The following ANKRD10 variants were observed in gnomAD, a reference collection of about 807,000 sequenced individuals.
ANKRD10 encodes ankyrin repeat domain 10.
A neutral mutation model predicts 27.0 loss-of-function variants in ANKRD10; 14 were observed. That is an observed-to-expected ratio of 0.52 (90% CI 0.34 to 0.81). The LOEUF is 0.81. Among genes scored for constraint, ANKRD10 ranks in the 40% least tolerant of loss-of-function variants. The pLI, the probability that ANKRD10 is intolerant of heterozygous loss-of-function variation, is 0.01. For synonymous variants in ANKRD10, 250 were observed against 224.5 expected (o/e 1.11, Z -1.01); for missense variants, 493 against 544.0 (o/e 0.91, Z 0.93).
chr13:110,912,765 G>A (rs2065755955), intron 1 of ANKRD10, among the ~76,000 whole-genome samples: 1 of 152,236 alleles, frequency 6.6e-6, no homozygotes, highest in African/African-American at 2.4e-5. Flanking sequence ...GAGGGCAGCC[G>A]TTAGCAGGGC....
At chr13:110,898,758 T>TC (rs2065300327) in intron 3 of ANKRD10, among the ~76,000 whole-genome samples, 2 of 144,350 alleles carry the variant, frequency 1.4e-5, no homozygotes, top group South Asian at 2.3e-4. Context: ...TTCTTTTTTT[T>TC]TTTTTTTTTT....
chr13:110,900,410 ATTG>A (rs2065350928), intron 3 of ANKRD10: 1 of 629,896 alleles, frequency 1.6e-6, no homozygotes, highest in African/African-American at 2.0e-5. Flanking sequence ...CAACTTAGCT[ATTG>A]TTAGTTTACA....
At chr13:110,890,204 G>A (rs1181296026) in intron 4 of ANKRD10, among the ~76,000 whole-genome samples, 1 of 151,928 alleles carries the variant, frequency 6.6e-6, no homozygotes. Context: ...CTAAAAAACT[G>A]GTCAGTTAAT....
At chr13:110,904,159 A>G (rs1294034966) in intron 3 of ANKRD10, 1 of 152,270 alleles carries the variant, frequency 6.6e-6, no homozygotes, top group African/African-American at 2.4e-5. Flanking sequence ...CCAAAGGCTT[A>G]TAATTGTTTT....
In ANKRD10 at chr13:110,902,164, G is replaced by A. The variant is rs140098455; in HGVS notation, c.455+3869C>T. On this transcript the variant is annotated intron_variant, in intron 3 of 5. Coordinates refer to ENST00000267339, the MANE Select transcript of ANKRD10 (RefSeq NM_017664.4). ...CAGAGTCATAATTCTGGTAGATTTTGTAACTGAAATATTATTCTGATGGGC... is the reference window on the plus strand; with the variant it reads ...CAGAGTCATAATTCTGGTAGATTTTATAACTGAAATATTATTCTGATGGGC... Among the ~76,000 whole-genome samples, 43 of 151,292 alleles carry A rather than the reference G, an allele frequency of 2.8e-4. No individual in the cohort carries two copies. The East Asian group carries it at 7.6e-3, about 27-fold the overall frequency.
intron 3 of ANKRD10, among the ~76,000 whole-genome samples, chr13:110,898,895 A>G (rs917711588): frequency 6.6e-6 from 1 of 151,128 alleles, no homozygotes; most frequent in African/African-American, 2.4e-5. Context: ...AGCTGGTATT[A>G]CAAGCGCCCA....
intron 4 of ANKRD10, among the ~76,000 whole-genome samples, chr13:110,891,953 T>G (rs1300129176): frequency 6.8e-6 from 1 of 146,512 alleles, no homozygotes; most frequent in Non-Finnish European, 1.5e-5. Flanking sequence ...GCTCAAGTAA[T>G]CCTCCTGCCT....
Position 110,883,763 on chromosome 13 carries a change from G to C in ANKRD10, c.722C>G (p.Thr241Arg). The change falls in exon 5 of 6, where the codon ACG (threonine) becomes AGG (arginine). Residue 241 changes from threonine (T) to arginine (R), a missense_variant. Physicochemically the swap from Thr to Arg is moderately conservative, Grantham distance 71. Coordinates refer to ENST00000267339, the MANE Select transcript of ANKRD10 (RefSeq NM_017664.4). Reference protein sequence around the residue: ...AQSLDSAVPLTNGDTEDDADK... With the variant: ...AQSLDSAVPLRNGDTEDDADK... ...AGCATCGTCTTCTGTGTCGCCATTC[G>C]TGAGTGGCACGGCAGAATCCAAGCT... The C allele has an allele frequency of 1.2e-6, 2 of 1,614,140 alleles. No homozygotes were observed. The highest frequency in any genetic ancestry group is 1.1e-5 in the South Asian group (1 of 91,084).
Position 110,902,615 on chromosome 13 carries a change from C to T in ANKRD10, c.455+3418G>A, listed in dbSNP as rs185443677. Among the ~76,000 whole-genome samples the T allele has an allele frequency of 3.6e-3, 553 of 152,196 alleles. 4 individuals carry two copies. Among genetic ancestry groups the T allele is most frequent in the Admixed American group, 9.6e-3 (146 of 15,282 alleles). On this transcript the variant is annotated intron_variant, in intron 3 of 5. Transcript: ENST00000267339. ...GATGCTTCTCAAGCTATCTGATGAT[C>T]CCAGTTAAGATAAAAATAATTAAGT...
chr13:110,890,955 A>C (rs1348902539), intron 4 of ANKRD10, among the ~76,000 whole-genome samples: 5 of 152,256 alleles, frequency 3.3e-5, no homozygotes, highest in Non-Finnish European at 5.9e-5. Flanking sequence ...AGGAATCCTC[A>C]GAAATGCTTT....
intron 1 of ANKRD10, among the ~76,000 whole-genome samples, chr13:110,911,323 G>T (rs2065699510): frequency 6.6e-6 from 1 of 151,920 alleles, no homozygotes; most frequent in African/African-American, 2.4e-5. Context: ...GTGGTGGCGG[G>T]CACCTGTAAT....
chr13:110,882,383 G>A (rs2064837292), intron 5 of ANKRD10, among the ~76,000 whole-genome samples: 1 of 152,180 alleles, frequency 6.6e-6, no homozygotes, highest in Non-Finnish European at 1.5e-5. Flanking sequence ...AAAGCCTCGA[G>A]TAATCTCTAG....
chr13:110,897,375 C>T (rs1134348), intron 3 of ANKRD10, among the ~76,000 whole-genome samples: 95,449 of 148,620 alleles, frequency 0.64, 31,014 homozygotes, highest in East Asian at 0.85. Context: ...CCTCCCACCT[C>T]AGACTCCTAA....
intron 3 of ANKRD10, among the ~76,000 whole-genome samples, chr13:110,902,049 G>GAAAAAAA (rs10656736): frequency 1.7e-5 from 2 of 115,400 alleles, no homozygotes; most frequent in African/African-American, 3.4e-5. Flanking sequence ...TCTCTTTTTA[G>GAAAAAAA]AAAAAAAAAA....
intron 3 of ANKRD10, among the ~76,000 whole-genome samples, chr13:110,899,332 C>A (rs1036652077): frequency 6.6e-6 from 1 of 152,232 alleles, no homozygotes; most frequent in African/African-American, 2.4e-5. Flanking sequence ...AACAGACGCA[C>A]TTTTGAACTT....
intron 4 of ANKRD10, among the ~76,000 whole-genome samples, chr13:110,887,138 A>C (rs1009239660): frequency 6.6e-6 from 1 of 152,162 alleles, no homozygotes; most frequent in East Asian, 1.9e-4. Context: ...ACCCTGGGGG[A>C]CACACAGAGA....
chr13:110,883,773 C>T lies in ANKRD10; in HGVS notation c.712G>A (p.Val238Met), dbSNP rs374936803. 8.4e-5 allele frequency: 135 copies of T among 1,614,118 alleles called. No homozygotes were observed. The highest frequency in any genetic ancestry group is 3.3e-4 in the Middle Eastern group (2 of 6,062). ...TCTGTGTCGCCATTCGTGAGTGGCA[C>T]GGCAGAATCCAAGCTTTGAGCTGCA... ...RTEAQSLDSA[V>M]PLTNGDTEDD... Residue 238 changes from valine to methionine, a missense_variant, in exon 5 of 6, where the codon GTG becomes ATG. Physicochemically the swap from Val to Met is conservative, Grantham distance 21 (BLOSUM62 1). Transcript: ENST00000267339.
chr13:110,914,711 G>C lies in ANKRD10; in HGVS notation c.210+14C>G. 6.4e-7 allele frequency: 1 copy of C among 1,564,640 alleles called. No homozygotes were observed. The stretch of plus-strand genomic sequence containing the variant: ...CAGCCGGGGAAAATGGCGCCTTAAA[G>C]CGTTCGCACCCACCTTGCCGAAATG... On this transcript the variant is annotated intron_variant, in intron 1 of 5. Coordinates refer to ENST00000267339, the MANE Select transcript of ANKRD10 (RefSeq NM_017664.4).
chr13:110,905,963 A>C (rs1387597581), intron 3 of ANKRD10, 70 bp downstream of exon 3: 1 of 1,395,384 alleles, frequency 7.2e-7, no homozygotes, highest in East Asian at 2.5e-5. Flanking sequence ...TTGCCTGCTT[A>C]TGTACTGCCT....
Sources: gnomAD v4.1 joint callset for allele counts (sites outside exome capture counted in the v4.1 genomes callset) on GRCh38, gnomAD v4.1.1 for gene constraint, MANE v1.5 for transcripts, NCBI Gene and HGNC (gene_info 2026-07-23, HGNC 2026-07-21) for gene names.